PCSK2: variants seen among roughly 807,000 people sequenced by gnomAD.
The protein encoded by PCSK2 is proprotein convertase subtilisin/kexin type 2, also known as neuroendocrine convertase 2.
In PCSK2, 14 loss-of-function variants were observed where a neutral mutation model predicts 69.7. That is an observed-to-expected ratio of 0.20 (90% CI 0.13 to 0.31). The LOEUF is 0.31. PCSK2 is among the 10% of genes least tolerant of loss of function. The probability of loss-of-function intolerance (pLI) is 1.00; values close to 1 mark genes in which losing one functional copy is unlikely to be tolerated. For synonymous variants in PCSK2, 307 were observed against 320.7 expected, an observed-to-expected ratio of 0.96 and a Z score of 0.46; for missense variants, 544 against 842.5, an observed-to-expected ratio of 0.65 and a Z score of 4.39.
At chr20:17,369,553 G>C (rs886622668) in intron 5 of PCSK2, among the ~76,000 whole-genome samples, 3 of 152,188 alleles carry the variant, frequency 2.0e-5, no homozygotes, top group Non-Finnish European at 4.4e-5. Context: ...ACAGCCACAT[G>C]GGCAGCCACA....
chr20:17,263,147 G>C (rs1987457754), intron 2 of PCSK2: 2 of 984,980 alleles, frequency 2.0e-6, no homozygotes, highest in Non-Finnish European at 2.4e-6. Context: ...GAAAAAGGTA[G>C]AAACCCAAGG....
chr20:17,305,939 T>C (rs1989312521), intron 2 of PCSK2, among the ~76,000 whole-genome samples: 1 of 152,230 alleles, frequency 6.6e-6, no homozygotes, highest in African/African-American at 2.4e-5. Context: ...TTTGCTACTG[T>C]TAGGCATTCG....
At position 17,429,495 on chromosome 20, in the gene PCSK2, T is replaced by C. The variant is rs1398375034; in HGVS notation, c.681T>C (p.Val227=). The C allele has an allele frequency of 2.5e-6, 4 of 1,613,508 alleles. No individual in the cohort carries two copies. The South Asian group carries it at 4.4e-5, about 18-fold the overall frequency. ...CCGCCAACAACAATATCTGTGGAGT[T>C]GGAGTAGCATACAACTCCAAGGTTG... ...SAAANNNICG[V]GVAYNSKVAG... is the part of the protein sequence containing the mutation. The change falls in exon 7 of 12, where the codon GTT becomes GTC. Residue 227 remains valine (V), a synonymous_variant. Transcript: ENST00000262545.
Position 17,282,634 on chromosome 20 carries a change from G to T in PCSK2, c.282+22290G>T, listed in dbSNP as rs1043382349. On this transcript the variant is annotated intron_variant, in intron 2 of 11. Transcript: ENST00000262545. ...ATCTCCAAAGGAGGCCTAAAAAACA[G>T]CCACATTAATTAAAGGAAAGAGATT... is the stretch of plus-strand genomic sequence containing the variant. 2.6e-5 allele frequency among the ~76,000 whole-genome samples: 4 copies of T among 151,018 alleles called. No homozygotes were observed. In the Admixed American group the frequency reaches 2.7e-4, roughly 10 times the overall value.
intron 10 of PCSK2, among the ~76,000 whole-genome samples, chr20:17,462,404 C>A (rs1423230869): frequency 1.3e-5 from 2 of 152,166 alleles, no homozygotes; most frequent in Non-Finnish European, 2.9e-5. Flanking sequence ...CTCAGGCCCA[C>A]AATCTCCAAG....
chr20:17,285,907 G>T (rs1988496675), intron 2 of PCSK2, among the ~76,000 whole-genome samples: 1 of 152,170 alleles, frequency 6.6e-6, no homozygotes, highest in Non-Finnish European at 1.5e-5. Flanking sequence ...AAGAAAAATT[G>T]TTACTTACCA....
intron 2 of PCSK2, among the ~76,000 whole-genome samples, chr20:17,328,939 C>T (rs1990140304): frequency 6.6e-6 from 1 of 152,202 alleles, no homozygotes; most frequent in African/African-American, 2.4e-5. Flanking sequence ...CTAAGACATC[C>T]TGTGGGTGAT....
rs191560601 is a variant in PCSK2, at chr20:17,384,144, C to T, written c.543+14867C>T. Among the ~76,000 whole-genome samples the T allele has an allele frequency of 5.9e-5, 9 of 152,250 alleles. No homozygotes were observed. The East Asian group carries it at 1.7e-3, about 29-fold the overall frequency. On this transcript the variant is annotated intron_variant, in intron 5 of 11. Transcript: ENST00000262545. ...AGCAACAACTAGAACACAATACCCTCAGTGCTAGTAATCATGCAGGATTAA... is the reference window on the plus strand; with the variant it reads ...AGCAACAACTAGAACACAATACCCTTAGTGCTAGTAATCATGCAGGATTAA...
chr20:17,384,425 CAAAAAAAAAA>C (rs11478291), intron 5 of PCSK2, among the ~76,000 whole-genome samples: 2 of 106,548 alleles, frequency 1.9e-5, no homozygotes, highest in African/African-American at 3.9e-5. Flanking sequence ...CCATATCTAC[CAAAAAAAAAA>C]AAAAAAAAAA....
chr20:17,242,709 G>A (rs1302327398), intron 1 of PCSK2, among the ~76,000 whole-genome samples: 1 of 152,200 alleles, frequency 6.6e-6, no homozygotes, highest in Non-Finnish European at 1.5e-5. Flanking sequence ...GTTACTCAAA[G>A]ACATGATGTC....
At chr20:17,430,009 G>A (rs62202662) in intron 7 of PCSK2, among the ~76,000 whole-genome samples, 13,783 of 152,236 alleles carry the variant, frequency 0.091, 749 homozygotes, top group Middle Eastern at 0.23. Context: ...ACAAGGTGGT[G>A]TGTATAAATT....
At chr20:17,360,211 G>T (rs2030342686) in intron 3 of PCSK2, among the ~76,000 whole-genome samples, 1 of 152,082 alleles carries the variant, frequency 6.6e-6, no homozygotes, top group Non-Finnish European at 1.5e-5. Flanking sequence ...AATCAGGGAG[G>T]GTTTCCTGCA....
intron 4 of PCSK2, among the ~76,000 whole-genome samples, chr20:17,361,005 C>T (rs1005677195): frequency 2.6e-5 from 4 of 152,234 alleles, no homozygotes; most frequent in Admixed American, 2.0e-4. Flanking sequence ...GTAGTCACCA[C>T]TAGCCATATG....
chr20:17,272,288 T>A (rs1987899931), intron 2 of PCSK2, among the ~76,000 whole-genome samples: 1 of 152,094 alleles, frequency 6.6e-6, no homozygotes, highest in East Asian at 1.9e-4. Context: ...ACTTCCCGTA[T>A]CTCCCACATT....
chr20:17,463,125 C>T (rs560687103), intron 10 of PCSK2, among the ~76,000 whole-genome samples: 3 of 129,644 alleles, frequency 2.3e-5, no homozygotes, highest in Non-Finnish European at 5.2e-5. Flanking sequence ...CATTATTTCT[C>T]TCTCTCTCAT....
chr20:17,441,599 G>A (rs537244358), intron 8 of PCSK2, among the ~76,000 whole-genome samples: 3 of 152,280 alleles, frequency 2.0e-5, no homozygotes, highest in African/African-American at 7.2e-5. Context: ...CATGGTGGAA[G>A]GTGAAAGGCA....
At chr20:17,361,743 G>GT (rs1377490164) in intron 4 of PCSK2, among the ~76,000 whole-genome samples, 1 of 152,192 alleles carries the variant, frequency 6.6e-6, no homozygotes, top group Admixed American at 6.5e-5. Context: ...ATGCCTCAAT[G>GT]TTTTTTGATG....
At chr20:17,479,247 T>A (rs2033346462) in intron 11 of PCSK2, 1 of 1,236,504 alleles carries the variant, frequency 8.1e-7, no homozygotes. Flanking sequence ...AATACATTTA[T>A]AAGCTTTTCC....
At chr20:17,266,355 T>C (rs566454389) in intron 2 of PCSK2, among the ~76,000 whole-genome samples, 72 of 152,346 alleles carry the variant, frequency 4.7e-4, no homozygotes, top group African/African-American at 1.7e-3. Context: ...AAATATTTCC[T>C]AAACGCAAGC....
Sources: gnomAD v4.1 joint callset for allele counts (sites outside exome capture counted in the v4.1 genomes callset) on GRCh38, gnomAD v4.1.1 for gene constraint, MANE v1.5 for transcripts, NCBI Gene and HGNC (gene_info 2026-07-23, HGNC 2026-07-21) for gene names.